The following CASP6 variants were observed in gnomAD, a reference collection of about 807,000 sequenced individuals.
CASP6 encodes the protein caspase 6.
Under a neutral mutation model 31.8 loss-of-function variants are expected in CASP6, and 20 were observed. The ratio of observed to expected loss-of-function variants is 0.63; its 90% confidence interval spans 0.44 to 0.91. The LOEUF is 0.91. Ranked by LOEUF, CASP6 falls within the 40% of genes least tolerant of loss-of-function variation. The pLI is 0.00. For missense variants in CASP6, 328 were observed against 361.1 expected, an observed-to-expected ratio of 0.91 and a Z score of 0.74; for synonymous variants, 130 against 127.8, an observed-to-expected ratio of 1.02 and a Z score of -0.12.
chr4:109,688,106 A>G (rs2126154299), downstream of CASP6: 1 of 152,706 alleles, frequency 6.5e-6, no homozygotes, highest in East Asian at 1.9e-4. Flanking sequence ...CACCAACCAT[A>G]AAGTATAGTT....
chr4:109,702,807 G>T (rs756313096), intron 1 of CASP6: 8 of 152,918 alleles, frequency 5.2e-5, no homozygotes, highest in Non-Finnish European at 8.8e-5. Context: ...GAGATACCGG[G>T]GTGTGCTGGC....
In CASP6 at chr4:109,703,329, G is replaced by A. The variant is rs529403329; in HGVS notation, c.40+27C>T. The stretch of plus-strand genomic sequence containing the variant: ...GCCGGAGCAAGACGCAGACCTGCTC[G>A]GTGCCCAGTCGACGCCCCCTGCCTA... On this transcript the variant is annotated intron_variant, in intron 1 of 6. Transcript: ENST00000265164. The A allele has an allele frequency of 3.4e-5, 55 of 1,600,712 alleles. 2 individuals are homozygous for A. In the South Asian group the frequency reaches 4.5e-4, roughly 13 times the overall value.
At chr4:109,685,055 T>G (rs933396170), downstream of CASP6, 1 of 426,522 alleles carries the variant, frequency 2.3e-6, no homozygotes, top group Non-Finnish European at 4.1e-6. Flanking sequence ...TTGCCTGTTT[T>G]TGAAAGGAGC....
upstream of CASP6, among the ~76,000 whole-genome samples, chr4:109,705,991 AAAAAAAAAAAATAT>A (rs1319698516): frequency 8.7e-5 from 6 of 68,694 alleles, no homozygotes; most frequent in East Asian, 7.4e-4. Context: ...AAAAAAAAAA[AAAAAAAAAAAATAT>A]ATATATATAT....
At chr4:109,703,479 C>A, upstream of CASP6, 1 of 1,523,652 alleles carries the variant, frequency 6.6e-7, no homozygotes, top group Non-Finnish European at 8.9e-7. Flanking sequence ...CTCGGCCCTT[C>A]CTCGGCGGCC....
the CASP6 span, among the ~76,000 whole-genome samples, chr4:109,708,651 C>T: frequency 1.3e-5 from 2 of 152,176 alleles, no homozygotes; most frequent in African/African-American, 4.8e-5. Flanking sequence ...GGCTGACGTT[C>T]TACTTATCTG....
chr4:109,686,802 A>G (rs1013694953), downstream of CASP6, among the ~76,000 whole-genome samples: 4 of 152,162 alleles, frequency 2.6e-5, no homozygotes, highest in Non-Finnish European at 5.9e-5. Context: ...CTTGAACCCA[A>G]GAGTTCCAAA....
upstream of CASP6, among the ~76,000 whole-genome samples, chr4:109,705,989 AAAAAAAAAAAAAAT>A (rs1477751453): frequency 2.9e-5 from 2 of 67,970 alleles, no homozygotes; most frequent in African/African-American, 1.6e-4. Flanking sequence ...AAAAAAAAAA[AAAAAAAAAAAAAAT>A]ATATATATAT....
chr4:109,704,438 T>C (rs768379518), upstream of CASP6, among the ~76,000 whole-genome samples: 9 of 152,202 alleles, frequency 5.9e-5, no homozygotes, highest in Non-Finnish European at 2.9e-5. Flanking sequence ...TTCTAGTTGG[T>C]CTGGATAGAA....
intron 1 of CASP6, among the ~76,000 whole-genome samples, chr4:109,701,204 C>T: frequency 6.6e-6 from 1 of 152,054 alleles, no homozygotes; most frequent in East Asian, 1.9e-4. Flanking sequence ...TCAAGTGATC[C>T]ACCTGCCTCA....
the CASP6 span, among the ~76,000 whole-genome samples, chr4:109,667,040 G>A: frequency 6.6e-6 from 1 of 152,140 alleles, no homozygotes; most frequent in Non-Finnish European, 1.5e-5. Flanking sequence ...ATATTGGTCT[G>A]TGGTTTTGTT....
chr4:109,700,260 A>G (rs1730377815), intron 1 of CASP6, among the ~76,000 whole-genome samples: 1 of 152,222 alleles, frequency 6.6e-6, no homozygotes, highest in Non-Finnish European at 1.5e-5. Context: ...TAATAACTTA[A>G]GATGTGAGTT....
At chr4:109,668,183 C>T in the CASP6 span, among the ~76,000 whole-genome samples, 1 of 152,116 alleles carries the variant, frequency 6.6e-6, no homozygotes, top group Middle Eastern at 3.4e-3. Flanking sequence ...CAACTGTATA[C>T]CCCGTGATTT....
chr4:109,706,131 T>TTATATATA (rs58847180), upstream of CASP6, among the ~76,000 whole-genome samples: 1,273 of 35,618 alleles, frequency 0.036, 22 homozygotes, highest in Admixed American at 0.049. Flanking sequence ...CCTATCCATT[T>TTATATATA]TATATATATA....
the CASP6 span, chr4:109,682,596 G>T: frequency 6.2e-7 from 1 of 1,608,576 alleles, no homozygotes; most frequent in South Asian, 1.1e-5. Flanking sequence ...ACCAAGTAAT[G>T]AGCACACTGC....
At chr4:109,682,476 G>A in the CASP6 span, 1 of 893,526 alleles carries the variant, frequency 1.1e-6, no homozygotes, top group Non-Finnish European at 1.8e-6. Flanking sequence ...TCCTTACCCT[G>A]TGGATCCTAA....
At chr4:109,691,075 CA>C in intron 5 of CASP6, 66 bp from the exon 6 acceptor site, 1 of 1,512,998 alleles carries the variant, frequency 6.6e-7, no homozygotes, top group South Asian at 1.3e-5. Flanking sequence ...TTAATGTGTG[CA>C]GTGAATGTGT....
In CASP6 at chr4:109,690,943, T is replaced by A; in HGVS notation, c.550A>T (p.Lys184Ter). The part of the protein sequence containing the change: ...PLDVVDNQTE[K>*]LDTNITEVDA... ...ACCTCAGTTATGTTGGTGTCCAACTTCTCTGTCTGATTATCTACTACATCC... is the reference window on the plus strand; with the variant it reads ...ACCTCAGTTATGTTGGTGTCCAACTACTCTGTCTGATTATCTACTACATCC... Residue 184 changes from lysine (K) to a stop codon, truncating the protein, a stop_gained, in exon 6 of 7, where the codon AAG (lysine) becomes TAG (stop). Transcript: ENST00000265164. LOFTEE classifies it high-confidence loss of function. 1.2e-6 allele frequency: 2 copies of A among 1,613,968 alleles called. No individual in the cohort carries two copies. The highest frequency in any genetic ancestry group is 1.7e-6 in the Non-Finnish European group (2 of 1,179,922).
downstream of CASP6, among the ~76,000 whole-genome samples, chr4:109,686,091 A>G (rs567360295): frequency 6.6e-4 from 101 of 152,328 alleles, 1 homozygote; most frequent in Non-Finnish European, 1.2e-3. Flanking sequence ...CATCCCTAGA[A>G]TTTAAAACAG....
Sources: allele counts gnomAD v4.1 joint callset (sites outside exome capture counted in the v4.1 genomes callset), GRCh38; gene constraint gnomAD v4.1.1; transcripts MANE v1.5; gene names NCBI Gene and HGNC (gene_info 2026-07-23, HGNC 2026-07-21).